The following GLT8D2 variants were observed in gnomAD, a reference collection of about 807,000 sequenced individuals.
GLT8D2 encodes the protein glycosyltransferase 8 domain containing 2.
A neutral mutation model predicts 44.5 loss-of-function variants in GLT8D2; 45 were observed. The ratio of observed to expected loss-of-function variants is 1.01; its 90% CI spans 0.80 to 1.30. The LOEUF is 1.30. GLT8D2 is among the 50% of genes most tolerant of loss of function. GLT8D2 has a pLI of 0.00. For synonymous variants in GLT8D2, 156 were observed against 157.2 expected, an observed-to-expected ratio of 0.99 and a Z score of 0.06; for missense variants, 400 against 430.4, an observed-to-expected ratio of 0.93 and a Z score of 0.62.
At chr12:104,018,924 C>T (rs1214726341) in intron 3 of GLT8D2, among the ~76,000 whole-genome samples, 1 of 152,160 alleles carries the variant, frequency 6.6e-6, no homozygotes, top group East Asian at 1.9e-4. Flanking sequence ...GATCTAAAAT[C>T]AGAGGCAAAT....
intron 6 of GLT8D2, 143 bp downstream of exon 6, chr12:103,999,254 T>C (rs1247215726): frequency 1.7e-6 from 1 of 597,010 alleles, no homozygotes; most frequent in African/African-American, 1.8e-5. Flanking sequence ...GCTTATAAAT[T>C]ATACATAAGC....
chr12:104,035,504 G>A (rs1032699977), intron 1 of GLT8D2, among the ~76,000 whole-genome samples: 5 of 152,170 alleles, frequency 3.3e-5, no homozygotes, highest in East Asian at 3.8e-4. Flanking sequence ...ACCATGGCAC[G>A]AGAACTATGT....
intron 1 of GLT8D2, among the ~76,000 whole-genome samples, chr12:104,058,841 G>C (rs1882395880): frequency 6.6e-6 from 1 of 152,186 alleles, no homozygotes; most frequent in Non-Finnish European, 1.5e-5. Flanking sequence ...TAACACAACA[G>C]ATGCTCCCTT....
chr12:103,996,464 G>A (rs1873438224), intron 8 of GLT8D2, among the ~76,000 whole-genome samples: 3 of 152,142 alleles, frequency 2.0e-5, no homozygotes, highest in Non-Finnish European at 4.4e-5. Context: ...TGCTCACAAA[G>A]ACACAACAAA....
upstream of GLT8D2, among the ~76,000 whole-genome samples, chr12:104,054,563 C>T (rs77516133): frequency 1.3e-5 from 2 of 151,648 alleles, no homozygotes; most frequent in Non-Finnish European, 2.9e-5. Flanking sequence ...CCTTTGGATA[C>T]CTGCCTCCCC....
intron 8 of GLT8D2, among the ~76,000 whole-genome samples, chr12:103,996,098 C>A (rs1382149101): frequency 6.6e-6 from 1 of 152,184 alleles, no homozygotes; most frequent in Non-Finnish European, 1.5e-5. Flanking sequence ...TAAAATGCCA[C>A]ATACATAAAA....
chr12:104,046,962 C>A (rs1881217443), intron 1 of GLT8D2, among the ~76,000 whole-genome samples: 1 of 151,896 alleles, frequency 6.6e-6, no homozygotes, highest in Non-Finnish European at 1.5e-5. Flanking sequence ...ATAGCTGGGA[C>A]AATAGGCATG....
intron 10 of GLT8D2, among the ~76,000 whole-genome samples, chr12:103,992,398 C>T (rs1872851258): frequency 6.6e-6 from 1 of 151,926 alleles, no homozygotes; most frequent in Non-Finnish European, 1.5e-5. Flanking sequence ...GTTTTGTCCA[C>T]TGTAAGTTAC....
rs751068373 is a variant in GLT8D2, at chr12:103,994,493, A to G, written c.609T>C (p.Tyr203=). The change falls in exon 9 of 11, where the codon TAT becomes TAC. Residue 203 remains tyrosine (Y), a synonymous_variant. Transcript: ENST00000360814. The part of the protein sequence containing the change: ...INRLVGLQNT[Y]MGYLDYRKKA... ...TCTTCCGGTAGTCCAGATAGCCCAT[A>G]TATGTGTTCTGTAAGGGAACAGGAT... 14 of 1,610,764 alleles carry G rather than the reference A, an allele frequency of 8.7e-6. No individual in the cohort carries two copies. The highest frequency in any genetic ancestry group is 1.2e-5 in the Non-Finnish European group (14 of 1,178,892).
At position 103,992,070 on chromosome 12, in the gene GLT8D2, T is replaced by C. The variant is rs187437067; in HGVS notation, c.880+1322A>G. ...ACCTAGATCCCACTCAGCACCACAT[T>C]ACCTTTTTAAAATCCAAACCCTTTC... is the stretch of plus-strand genomic sequence containing the variant. On this transcript the variant is annotated intron_variant, in intron 10 of 10. Coordinates refer to ENST00000360814, the MANE Select transcript of GLT8D2 (RefSeq NM_001384711.1). 3.5e-3 allele frequency among the ~76,000 whole-genome samples: 531 copies of C among 152,300 alleles called. 3 individuals carry two copies. Among genetic ancestry groups the C allele is most frequent in the Non-Finnish European group, 5.8e-3 (392 of 68,024 alleles).
At chr12:104,042,068 C>T (rs1448857743) in intron 1 of GLT8D2, among the ~76,000 whole-genome samples, 1 of 152,188 alleles carries the variant, frequency 6.6e-6, no homozygotes, top group African/African-American at 2.4e-5. Context: ...CTGGCTGATC[C>T]AACAGCTCTT....
chr12:104,007,910 T>C (rs1419663220), intron 4 of GLT8D2, among the ~76,000 whole-genome samples: 1 of 152,206 alleles, frequency 6.6e-6, no homozygotes, highest in East Asian at 1.9e-4. Flanking sequence ...CTTTTGCATC[T>C]CTCACTTTCT....
intron 1 of GLT8D2, among the ~76,000 whole-genome samples, chr12:104,028,107 A>G (rs558457676): frequency 2.6e-5 from 4 of 152,340 alleles, no homozygotes; most frequent in African/African-American, 9.6e-5. Flanking sequence ...TTAAGATGAA[A>G]CAAGAAGCTT....
chr12:104,015,405 C>CACACACACAA (rs1222606990), intron 3 of GLT8D2, among the ~76,000 whole-genome samples: 207 of 149,236 alleles, frequency 1.4e-3, no homozygotes, highest in African/African-American at 5.0e-3. Context: ...CACACACACA[C>CACACACACAA]ACACACACAC....
chr12:104,026,123 T>C (rs1878534344), intron 1 of GLT8D2, among the ~76,000 whole-genome samples: 2 of 151,336 alleles, frequency 1.3e-5, no homozygotes, highest in African/African-American at 2.4e-5. Flanking sequence ...TACTAAAAAT[T>C]CAAAAATTGG....
At chr12:104,047,305 CTT>C (rs35333809) in intron 1 of GLT8D2, among the ~76,000 whole-genome samples, 21 of 130,812 alleles carry the variant, frequency 1.6e-4, no homozygotes, top group South Asian at 7.3e-4. Flanking sequence ...TCTCTTAGGC[CTT>C]TTTTTTTTTT....
chr12:104,019,491 T>C (rs1442931115), intron 3 of GLT8D2, 139 bp downstream of exon 3: 1 of 677,526 alleles, frequency 1.5e-6, no homozygotes, highest in African/African-American at 1.8e-5. Flanking sequence ...GAAATGATGA[T>C]GCCAAAAAGT....
At chr12:104,060,632 A>T (rs553151463) in intron 1 of GLT8D2, among the ~76,000 whole-genome samples, 5 of 152,188 alleles carry the variant, frequency 3.3e-5, no homozygotes, top group Non-Finnish European at 7.3e-5. Flanking sequence ...TTATAATAAG[A>T]GGAGAAGAGG....
chr12:104,051,012 G>A (rs1450990660), upstream of GLT8D2, among the ~76,000 whole-genome samples: 1 of 151,780 alleles, frequency 6.6e-6, no homozygotes, highest in Non-Finnish European at 1.5e-5. Flanking sequence ...ATGGGGTTTC[G>A]CCATGTTGGC....
Sources: gnomAD v4.1 joint callset for allele counts (sites outside exome capture counted in the v4.1 genomes callset) on GRCh38, gnomAD v4.1.1 for gene constraint, MANE v1.5 for transcripts, NCBI Gene and HGNC (gene_info 2026-07-23, HGNC 2026-07-21) for gene names.